ARMH3: variants seen among roughly 807,000 people sequenced by gnomAD.
ARMH3 encodes armadillo like helical domain containing 3, also known as armadillo-like helical domain-containing protein 3.
Under a neutral mutation model 99.1 loss-of-function variants are expected in ARMH3, and 60 were observed. The ratio of observed to expected loss-of-function variants is 0.61; its 90% CI spans 0.49 to 0.75. The LOEUF (loss-of-function observed/expected upper bound fraction) is 0.75, where lower values mean the gene tolerates loss of function less well. Among genes scored for constraint, ARMH3 ranks in the 30% least tolerant of loss-of-function variants. The pLI is 0.00. For missense variants in ARMH3, 679 were observed against 843.1 expected, an observed-to-expected ratio of 0.81 and a Z score of 2.41; for synonymous variants, 285 against 292.8, an observed-to-expected ratio of 0.97 and a Z score of 0.27.
chr10:101,905,956 C>T (rs778972936), intron 23 of ARMH3, among the ~76,000 whole-genome samples: 3 of 152,082 alleles, frequency 2.0e-5, no homozygotes, highest in Non-Finnish European at 4.4e-5. Context: ...AGTGTTTATC[C>T]TTTTACTAAA....
In ARMH3 at chr10:101,849,011, C is replaced by T. The variant is rs117232380; in HGVS notation, c.1977+765G>A. Among the ~76,000 whole-genome samples, 133 of 152,294 alleles carry T rather than the reference C, an allele frequency of 8.7e-4. 1 individual carries two copies. The East Asian group carries it at 0.024, about 28-fold the overall frequency. On this transcript the variant is annotated intron_variant, in intron 25 of 25. Transcript: ENST00000370033. ...TTAGCACAAGACAAACGATCTAATA[C>T]GCAGTGCCTTCACCACAATTGGCAT...
At chr10:102,028,346 C>A (rs1317547471) in intron 5 of ARMH3, among the ~76,000 whole-genome samples, 1 of 152,042 alleles carries the variant, frequency 6.6e-6, no homozygotes, top group African/African-American at 2.4e-5. Flanking sequence ...GCCAGGAGTT[C>A]AAGACCAGCT....
chr10:101,885,109 C>T (rs949306591), intron 24 of ARMH3, among the ~76,000 whole-genome samples: 3 of 151,908 alleles, frequency 2.0e-5, no homozygotes, highest in African/African-American at 7.3e-5. Flanking sequence ...CAATGAGATA[C>T]TACGTCATAC....
chr10:101,863,834 G>T (rs940383429), intron 24 of ARMH3, among the ~76,000 whole-genome samples: 2 of 152,000 alleles, frequency 1.3e-5, no homozygotes, highest in African/African-American at 4.8e-5. Context: ...CTGCCAAAGA[G>T]GTTGTATCAC....
chr10:102,055,024 C>A (rs1335390504), intron 1 of ARMH3, among the ~76,000 whole-genome samples: 12 of 131,972 alleles, frequency 9.1e-5, no homozygotes, highest in South Asian at 2.6e-4. Context: ...AACAAACAAA[C>A]AAACAAAAAA....
chr10:102,011,761 C>A lies in ARMH3; in HGVS notation c.793G>T (p.Glu265Ter). ...GCAGAGAAAAAACCACTTTGGTGTTCTTCTTCCTTGTCTTTATACTGCCTA... is the reference window on the plus strand; with the variant it reads ...GCAGAGAAAAAACCACTTTGGTGTTATTCTTCCTTGTCTTTATACTGCCTA... Reference protein sequence around the residue: ...YNRQYKDKEEEHQSGFFSALT... With the variant: ...YNRQYKDKEE The change falls in exon 11 of 26, where the codon GAA becomes TAA. Residue 265 changes from glutamate to a stop codon, truncating the protein, a stop_gained. Coordinates refer to ENST00000370033, the MANE Select transcript of ARMH3 (RefSeq NM_024541.3). LOFTEE classifies it high-confidence loss of function. 4 of 1,610,022 alleles carry A rather than the reference C, an allele frequency of 2.5e-6. No homozygotes were observed. The highest frequency in any genetic ancestry group is 3.4e-6 in the Non-Finnish European group (4 of 1,178,176).
chr10:101,972,314 A>T (rs182824097), intron 20 of ARMH3, among the ~76,000 whole-genome samples: 29 of 152,300 alleles, frequency 1.9e-4, no homozygotes, highest in South Asian at 6.2e-4. Flanking sequence ...CACATTCCAA[A>T]CTACATCTGG....
chr10:102,014,165 T>C (rs1590184585), intron 8 of ARMH3, 141 bp from the exon 9 acceptor site: 2 of 620,746 alleles, frequency 3.2e-6, no homozygotes, highest in East Asian at 2.8e-5. Context: ...CCAATCCATA[T>C]TGCCTGCTGA....
At chr10:101,992,207 G>T (rs1480462302) in intron 17 of ARMH3, among the ~76,000 whole-genome samples, 169 bp from the exon 18 acceptor site, 1 of 152,108 alleles carries the variant, frequency 6.6e-6, no homozygotes, top group Non-Finnish European at 1.5e-5. Flanking sequence ...GATGAGGCGG[G>T]GAAGGGAGGA....
At chr10:101,920,866 A>G (rs937151764) in intron 23 of ARMH3, among the ~76,000 whole-genome samples, 8 of 152,194 alleles carry the variant, frequency 5.3e-5, no homozygotes, top group African/African-American at 1.9e-4. Flanking sequence ...CCCTGAGGAT[A>G]TTATGCTAAG....
intron 1 of ARMH3, among the ~76,000 whole-genome samples, chr10:102,043,353 G>A (rs149234014): frequency 6.6e-6 from 1 of 152,272 alleles, no homozygotes; most frequent in African/African-American, 2.4e-5. Flanking sequence ...GATTGAACCA[G>A]ACTATTATCT....
intron 22 of ARMH3, among the ~76,000 whole-genome samples, chr10:101,954,826 T>A (rs1326441077): frequency 6.6e-6 from 1 of 152,228 alleles, no homozygotes; most frequent in African/African-American, 2.4e-5. Context: ...CTAGTTAACA[T>A]TTTTACTCCC....
rs1287251881 is a variant in ARMH3 at position 102,011,843 on chromosome 10, G to C, written c.771-60C>G. On this transcript the variant is annotated intron_variant, in intron 10 of 25. Transcript: ENST00000370033. The stretch of plus-strand genomic sequence containing the variant: ...GTTTATCAATTATGTCTTTGTCCTT[G>C]ACATTTGGGGTAATCAGGGCAGAGC... The C allele has an allele frequency of 3.6e-6, 5 of 1,406,638 alleles. No homozygotes were observed. The Admixed American group carries it at 7.7e-5, about 22-fold the overall frequency. 87.1% of individuals were successfully genotyped at this position (1,406,638 alleles called of 1,614,324 possible).
intron 1 of ARMH3, among the ~76,000 whole-genome samples, chr10:102,052,009 T>G (rs1388931551): frequency 6.6e-6 from 1 of 152,088 alleles, no homozygotes; most frequent in Admixed American, 6.6e-5. Flanking sequence ...TTCTGACACA[T>G]CCCAGAATGA....
intron 20 of ARMH3, among the ~76,000 whole-genome samples, chr10:101,963,210 A>G (rs919099029): frequency 7.1e-6 from 1 of 140,906 alleles, no homozygotes; most frequent in Non-Finnish European, 1.5e-5. Context: ...TGGCACGATC[A>G]TGGCTCACTG....
chr10:102,004,957 C>A (rs540096169), intron 14 of ARMH3, among the ~76,000 whole-genome samples: 2 of 152,260 alleles, frequency 1.3e-5, no homozygotes, highest in East Asian at 1.9e-4. Context: ...GTAATCCCAG[C>A]ACTTTGGGAG....
In ARMH3 at chr10:101,900,679, C is replaced by T. The variant is rs530614396; in HGVS notation, c.1782-11189G>A. On this transcript the variant is annotated intron_variant, in intron 23 of 25. Transcript: ENST00000370033. ...ATTGACTAGTCTTCTTTTCCCGTCA[C>T]TTCAAAAATAAAGGCGAATTGGCTG... is the stretch of plus-strand genomic sequence containing the variant. Among the ~76,000 whole-genome samples, 7 of 152,276 alleles carry T rather than the reference C, an allele frequency of 4.6e-5. No homozygotes were observed. In the South Asian group the frequency reaches 1.5e-3, roughly 32 times the overall value.
chr10:101,878,459 G>A (rs1030949998), intron 24 of ARMH3, among the ~76,000 whole-genome samples: 1 of 150,878 alleles, frequency 6.6e-6, no homozygotes, highest in Non-Finnish European at 1.5e-5. Flanking sequence ...GGGCAACATA[G>A]TAAGACCCCA....
chr10:101,980,548 C>T (rs1286461082), intron 19 of ARMH3, among the ~76,000 whole-genome samples: 1 of 152,158 alleles, frequency 6.6e-6, no homozygotes, highest in Non-Finnish European at 1.5e-5. Flanking sequence ...GTCCGCCCAC[C>T]TCAGCCTCCC....
Sources: gnomAD v4.1 joint callset for allele counts (sites outside exome capture counted in the v4.1 genomes callset) on GRCh38, gnomAD v4.1.1 for gene constraint, MANE v1.5 for transcripts, NCBI Gene and HGNC (gene_info 2026-07-23, HGNC 2026-07-21) for gene names.